RALGPS2: variants seen among roughly 807,000 people sequenced by gnomAD.
RALGPS2 encodes Ral GEF with PH domain and SH3 binding motif 2, also known as ras-specific guanine nucleotide-releasing factor RalGPS2.
RALGPS2 carries 43 observed loss-of-function variants against 86.8 expected under a neutral mutation model. The observed-to-expected ratio is 0.50, with a 90% confidence interval of 0.39 to 0.64. The LOEUF (loss-of-function observed/expected upper bound fraction) is 0.64. Among genes scored for constraint, RALGPS2 ranks in the 30% least tolerant of loss-of-function variants. The pLI is 0.00. For synonymous variants in RALGPS2, 243 were observed against 231.3 expected, an observed-to-expected ratio of 1.05 and a Z score of -0.46; for missense variants, 536 against 694.6, an observed-to-expected ratio of 0.77 and a Z score of 2.57.
chr1:178,725,282 G>GGCT lies in RALGPS2; in HGVS notation c.-215_-213dup, dbSNP rs1467239826. ...GAGCGGCAGCGGCGGCGGCGGCGGC[G>GGCT]GCTGCTGCGGGCGCTGAATGAGAGA... On this transcript the variant is annotated 5_prime_UTR_variant, in exon 1 of 20. Coordinates refer to ENST00000367635, the MANE Select transcript of RALGPS2 (RefSeq NM_152663.5). 309 of 175,598 alleles carry GGCT rather than the reference G, an allele frequency of 1.8e-3. 2 individuals carry two copies. The highest frequency in any genetic ancestry group is 7.1e-3 in the African/African-American group (297 of 41,596). The allele number at this position is 175,598 out of a possible 1,614,324, so 10.9% of individuals were successfully genotyped here.
chr1:178,769,092 G>A (rs1652655597), intron 1 of RALGPS2, among the ~76,000 whole-genome samples: 1 of 151,886 alleles, frequency 6.6e-6, no homozygotes, highest in Admixed American at 6.6e-5. Flanking sequence ...GAAAGGTGGG[G>A]CTGTTCAGGC....
At chr1:178,788,196 C>T (rs1281961174) in intron 4 of RALGPS2, among the ~76,000 whole-genome samples, 1 of 152,120 alleles carries the variant, frequency 6.6e-6, no homozygotes, top group Admixed American at 6.5e-5. Flanking sequence ...CTTTTTTTGT[C>T]TTTCTACAGG....
intron 19 of RALGPS2, among the ~76,000 whole-genome samples, chr1:178,907,117 A>G (rs1166373459): frequency 6.6e-6 from 1 of 152,256 alleles, no homozygotes; most frequent in Non-Finnish European, 1.5e-5. Context: ...TATGTGATAT[A>G]GAGCAATGGG....
At chr1:178,728,231 A>G (rs1442854960) in intron 1 of RALGPS2, among the ~76,000 whole-genome samples, 2 of 152,124 alleles carry the variant, frequency 1.3e-5, no homozygotes, top group Non-Finnish European at 2.9e-5. Context: ...TTAAAATATC[A>G]CCTTTTTATT....
intron 1 of RALGPS2, among the ~76,000 whole-genome samples, chr1:178,773,689 A>C (rs1038579493): frequency 6.6e-6 from 1 of 151,792 alleles, no homozygotes; most frequent in Non-Finnish European, 1.5e-5. Flanking sequence ...CCAGCTACTC[A>C]GGAGGCTGAG....
chr1:178,845,746 C>G (rs772547562), intron 8 of RALGPS2, among the ~76,000 whole-genome samples: 1 of 152,138 alleles, frequency 6.6e-6, no homozygotes, highest in Non-Finnish European at 1.5e-5. Flanking sequence ...ATTTACTTAG[C>G]ACTGTGCTTG....
At chr1:178,904,941 A>G (rs984089335) in intron 18 of RALGPS2, among the ~76,000 whole-genome samples, 1 of 152,162 alleles carries the variant, frequency 6.6e-6, no homozygotes, top group South Asian at 2.1e-4. Context: ...TGCTTTTGGC[A>G]GTATAGTCAT....
chr1:178,828,552 A>G (rs1427135290), intron 7 of RALGPS2, among the ~76,000 whole-genome samples: 1 of 152,268 alleles, frequency 6.6e-6, no homozygotes, highest in Non-Finnish European at 1.5e-5. Flanking sequence ...ACATGACTGT[A>G]TAAGGAACTC....
intron 8 of RALGPS2, among the ~76,000 whole-genome samples, chr1:178,840,207 A>C (rs1316323840): frequency 1.3e-5 from 2 of 152,238 alleles, no homozygotes; most frequent in East Asian, 1.9e-4. Context: ...CATTCTTCTC[A>C]GCACCATGTT....
At chr1:178,753,483 T>A (rs936570869) in intron 1 of RALGPS2, among the ~76,000 whole-genome samples, 3 of 152,176 alleles carry the variant, frequency 2.0e-5, no homozygotes, top group Non-Finnish European at 4.4e-5. Context: ...GGCAAAAATT[T>A]ATGGATATAT....
At chr1:178,785,699 AT>A in intron 4 of RALGPS2, 92 bp downstream of exon 4, 1 of 1,441,596 alleles carries the variant, frequency 6.9e-7, no homozygotes, top group South Asian at 1.4e-5. Context: ...CTTCATATTA[AT>A]TTTAAAATGT....
chr1:178,799,233 G>T lies in RALGPS2; in HGVS notation c.214-8812G>T, dbSNP rs571638105. Among the ~76,000 whole-genome samples the T allele has an allele frequency of 2.9e-4, 44 of 152,078 alleles. 1 individual carries two copies. The highest frequency in any genetic ancestry group is 5.9e-5 in the Non-Finnish European group (4 of 68,022). On this transcript the variant is annotated intron_variant, in intron 4 of 19. Transcript: ENST00000367635. ...TTTTTGTATTTTTAGTAGAGATGGG[G>T]TTTCACCGTGTTGGCCAGGCTGGTC... is the stretch of plus-strand genomic sequence containing the variant.
At chr1:178,906,948 A>G in intron 19 of RALGPS2, 81 bp downstream of exon 19, 1 of 1,233,878 alleles carries the variant, frequency 8.1e-7, no homozygotes, top group South Asian at 1.3e-5. Context: ...TAAACAGACT[A>G]GTTCTGAATT....
Position 178,919,255 on chromosome 1 carries a change from G to A in RALGPS2, c.*2896G>A, listed in dbSNP as rs553424067. The A allele has an allele frequency of 6.6e-6, 1 of 152,060 alleles. No individual in the cohort carries two copies. Among genetic ancestry groups the A allele is most frequent in the East Asian group, 1.9e-4 (1 of 5,184 alleles). The allele number at this position is 152,060 out of a possible 1,614,324, so 9.4% of individuals were successfully genotyped here. ...TTATTTGGGCAAACATTACAAAAAGGGATCCAAACAATTTGAGTTTCAGTA... is the reference window on the plus strand; with the variant it reads ...TTATTTGGGCAAACATTACAAAAAGAGATCCAAACAATTTGAGTTTCAGTA... On this transcript the variant is annotated 3_prime_UTR_variant, in exon 20 of 20. Transcript: ENST00000367635.
At chr1:178,866,089 CTG>C (rs1658388037) in intron 8 of RALGPS2, among the ~76,000 whole-genome samples, 1 of 152,156 alleles carries the variant, frequency 6.6e-6, no homozygotes, top group Non-Finnish European at 1.5e-5. Flanking sequence ...AGTGTCTACT[CTG>C]TGCAAAGATA....
intron 4 of RALGPS2, among the ~76,000 whole-genome samples, chr1:178,789,165 C>T (rs1653833392): frequency 6.6e-6 from 1 of 152,162 alleles, no homozygotes; most frequent in Non-Finnish European, 1.5e-5. Flanking sequence ...CCTTGGCCTC[C>T]CCAAATGCTG....
chr1:178,799,455 C>T (rs1654363787), intron 4 of RALGPS2, among the ~76,000 whole-genome samples: 1 of 152,098 alleles, frequency 6.6e-6, no homozygotes, highest in East Asian at 1.9e-4. Flanking sequence ...GATAGGCTAA[C>T]TCTACTGTTT....
At chr1:178,900,820 T>A (rs987796326) in intron 17 of RALGPS2, among the ~76,000 whole-genome samples, 1 of 152,056 alleles carries the variant, frequency 6.6e-6, no homozygotes, top group African/African-American at 2.4e-5. Flanking sequence ...CTGGGGAATG[T>A]GATGGGATTC....
At chr1:178,887,569 T>A (rs1361787208) in intron 13 of RALGPS2, among the ~76,000 whole-genome samples, 1 of 152,234 alleles carries the variant, frequency 6.6e-6, no homozygotes, top group Non-Finnish European at 1.5e-5. Context: ...CTAAGCCTAT[T>A]GTTACTAATA....
Sources: gnomAD v4.1 joint callset for allele counts (sites outside exome capture counted in the v4.1 genomes callset) on GRCh38, gnomAD v4.1.1 for gene constraint, MANE v1.5 for transcripts, NCBI Gene and HGNC (gene_info 2026-07-23, HGNC 2026-07-21) for gene names.